The following TRAF3IP2 variants were observed in gnomAD, a reference collection of about 807,000 sequenced individuals.
The protein encoded by TRAF3IP2 is E3 ubiquitin ligase TRAF3IP2.
A neutral mutation model predicts 57.9 loss-of-function variants in TRAF3IP2; 35 were observed. The ratio of observed to expected loss-of-function variants is 0.60; its 90% confidence interval spans 0.46 to 0.80. The LOEUF is 0.80. Ranked by LOEUF, TRAF3IP2 falls within the 30% of genes least tolerant of loss-of-function variation. The pLI, the probability that TRAF3IP2 is intolerant of heterozygous loss-of-function variation, is 0.00. For synonymous variants in TRAF3IP2, 251 were observed against 268.9 expected, an observed-to-expected ratio of 0.93 and a Z score of 0.65; for missense variants, 556 against 706.4, an observed-to-expected ratio of 0.79 and a Z score of 2.41.
chr6:111,573,142 CT>C (rs1795882644), intron 4 of TRAF3IP2, among the ~76,000 whole-genome samples, 159 bp from the exon 5 acceptor site: 1 of 152,200 alleles, frequency 6.6e-6, no homozygotes, highest in Admixed American at 6.5e-5. Context: ...GTATGCTGTC[CT>C]CAGGGCACAG....
At chr6:111,586,803 C>A (rs1796350827) in intron 2 of TRAF3IP2, among the ~76,000 whole-genome samples, 1 of 152,112 alleles carries the variant, frequency 6.6e-6, no homozygotes, top group Admixed American at 6.5e-5. Context: ...CATTTGTACA[C>A]CTGCCATGAA....
intron 7 of TRAF3IP2, among the ~76,000 whole-genome samples, chr6:111,564,851 C>T (rs541591872): frequency 6.6e-6 from 1 of 152,314 alleles, no homozygotes; most frequent in South Asian, 2.1e-4. Context: ...CGAGCCCTTC[C>T]CACGCACCAG....
chr6:111,575,355 G>A (rs1394504120), intron 4 of TRAF3IP2, among the ~76,000 whole-genome samples: 3 of 151,972 alleles, frequency 2.0e-5, no homozygotes, highest in Non-Finnish European at 2.9e-5. Flanking sequence ...GTGGGAGGCC[G>A]AGGCAGGTGG....
intron 2 of TRAF3IP2, among the ~76,000 whole-genome samples, chr6:111,587,914 G>A (rs1436186446): frequency 1.3e-5 from 2 of 152,058 alleles, no homozygotes; most frequent in African/African-American, 4.8e-5. Context: ...TCTTGTTCTT[G>A]TATTTGTATA....
intron 2 of TRAF3IP2, among the ~76,000 whole-genome samples, chr6:111,583,050 C>T (rs1041064231): frequency 3.3e-5 from 5 of 152,294 alleles, no homozygotes; most frequent in South Asian, 2.1e-4. Context: ...TTGCTTTCTT[C>T]GTAGTTCCTA....
rs370020890 is a variant in TRAF3IP2 at position 111,559,932 on chromosome 6, CATTA to C, written c.1552-385_1552-382del. Among the ~76,000 whole-genome samples, 24 of 152,320 alleles carry C rather than the reference CATTA, an allele frequency of 1.6e-4. No homozygotes were observed. In the South Asian group the frequency reaches 4.4e-3, roughly 28 times the overall value. On this transcript the variant is annotated intron_variant, in intron 8 of 8. Coordinates refer to ENST00000368761, the MANE Select transcript of TRAF3IP2 (RefSeq NM_147686.4). ...CCAGGGCCGTAGGCTTAAATCAATTCATTACTCTTTCACTCCAGCCCCAGGTCTG... is the reference window on the plus strand; with the variant it reads ...CCAGGGCCGTAGGCTTAAATCAATTCCTCTTTCACTCCAGCCCCAGGTCTG...
chr6:111,567,417 C>T (rs1795688167), intron 6 of TRAF3IP2: 6 of 1,302,596 alleles, frequency 4.6e-6, no homozygotes, highest in Admixed American at 4.0e-5. Flanking sequence ...CTGGTTTGAC[C>T]GTTATTTCCT....
At chr6:111,586,496 G>A (rs374381926) in intron 2 of TRAF3IP2, among the ~76,000 whole-genome samples, 5 of 151,936 alleles carry the variant, frequency 3.3e-5, no homozygotes, top group Admixed American at 2.0e-4. Flanking sequence ...AGGAGAAAAC[G>A]TAGACTTATT....
intron 1 of TRAF3IP2, among the ~76,000 whole-genome samples, chr6:111,592,934 C>T (rs780258633): frequency 3.3e-5 from 5 of 152,140 alleles, no homozygotes; most frequent in African/African-American, 7.2e-5. Context: ...CAGCAAGGCT[C>T]GCTAAACTAG....
In TRAF3IP2 at chr6:111,591,386, C is replaced by A; in HGVS notation, c.701G>T (p.Arg234Met). Residue 234 changes from arginine (R) to methionine (M), a missense_variant, in exon 2 of 9, where the codon AGG (arginine) becomes ATG (methionine). Arg to Met is a moderately conservative substitution (Grantham distance 91). Coordinates refer to ENST00000368761, the MANE Select transcript of TRAF3IP2 (RefSeq NM_147686.4). This position sits in a 1 kb window ranked among gnomAD's most constrained non-coding sequence, Gnocchi z 4.9. ...CTGAGGTTCAAACTGAGGGAACTCC[C>A]TGGACCTGAGAGGTCTGGGGAGGTC... The part of the protein sequence containing the change: ...PQDLPRPLRS[R>M]EFPQFEPQRY... 6.5e-7 allele frequency: 1 copy of A among 1,550,268 alleles called. No individual in the cohort carries two copies.
chr6:111,570,619 C>A (rs1795797693), intron 5 of TRAF3IP2, among the ~76,000 whole-genome samples: 1 of 152,156 alleles, frequency 6.6e-6, no homozygotes, highest in African/African-American at 2.4e-5. Flanking sequence ...CTATGTGGCC[C>A]CTGGTTGTGA....
chr6:111,589,265 T>C (rs1796433033), intron 2 of TRAF3IP2, among the ~76,000 whole-genome samples: 1 of 152,104 alleles, frequency 6.6e-6, no homozygotes, highest in Admixed American at 6.6e-5. Flanking sequence ...TGTTTCACCA[T>C]GTTGGCCAGG....
At chr6:111,564,549 T>G (rs2179070) in intron 7 of TRAF3IP2, among the ~76,000 whole-genome samples, 1 of 152,192 alleles carries the variant, frequency 6.6e-6, no homozygotes, top group Non-Finnish European at 1.5e-5. Context: ...TCAGTACCTC[T>G]GCACTACCTC....
At chr6:111,586,240 T>A (rs1796331133) in intron 2 of TRAF3IP2, among the ~76,000 whole-genome samples, 1 of 152,194 alleles carries the variant, frequency 6.6e-6, no homozygotes, top group Non-Finnish European at 1.5e-5. Flanking sequence ...CTCCCCTTTT[T>A]TTTTTTTGGT....
chr6:111,582,490 C>T (rs1796198081), intron 2 of TRAF3IP2, among the ~76,000 whole-genome samples: 1 of 152,162 alleles, frequency 6.6e-6, no homozygotes, highest in Non-Finnish European at 1.5e-5. Flanking sequence ...GACAGGCCCA[C>T]AGAGACTCCT....
At chr6:111,579,928 G>A (rs1796103884) in intron 3 of TRAF3IP2, among the ~76,000 whole-genome samples, 1 of 152,148 alleles carries the variant, frequency 6.6e-6, no homozygotes, top group Admixed American at 6.6e-5. Flanking sequence ...ATAAAAGAAA[G>A]GGGTGTGACT....
chr6:111,571,506 C>G (rs558224573), intron 5 of TRAF3IP2, among the ~76,000 whole-genome samples: 104 of 152,294 alleles, frequency 6.8e-4, no homozygotes, highest in Middle Eastern at 6.8e-3. Context: ...GCCACCACGC[C>G]TGGCTGCTAT....
Position 111,558,377 on chromosome 6 carries a change from T to C in TRAF3IP2, c.*1028A>G, listed in dbSNP as rs1795315387. ...ATCCTGAGAACCATAATCATACTAT[T>C]TAGAATCATGGCTGTATGCTATATA... On this transcript the variant is annotated 3_prime_UTR_variant, in exon 9 of 9. Transcript: ENST00000368761. 1 of 152,220 alleles carries C rather than the reference T, an allele frequency of 6.6e-6. No individual in the cohort carries two copies. Among genetic ancestry groups the C allele is most frequent in the Non-Finnish European group, 1.5e-5 (1 of 68,038 alleles). 9.4% of individuals were successfully genotyped at this position (152,220 alleles called of 1,614,324 possible). A position where few individuals can be genotyped will look rare whatever the true frequency, so the allele number is the denominator to read the frequency against.
chr6:111,557,151 G>C lies in TRAF3IP2; in HGVS notation c.*2254C>G, dbSNP rs756658123. 6.6e-6 allele frequency: 1 copy of C among 151,812 alleles called. No individual in the cohort carries two copies. Among genetic ancestry groups the C allele is most frequent in the Non-Finnish European group, 1.5e-5 (1 of 68,062 alleles). 9.4% of individuals were successfully genotyped at this position (151,812 alleles called of 1,614,324 possible). A position where few individuals can be genotyped will look rare whatever the true frequency, so the allele number is the denominator to read the frequency against. The stretch of plus-strand genomic sequence containing the variant: ...AAAAAAAAGAAAAAAAAAACAAAAC[G>C]GTGGACTGTCTTGTAGCACAAGTGA... On this transcript the variant is annotated 3_prime_UTR_variant, in exon 9 of 9. Transcript: ENST00000368761.
Sources: gnomAD v4.1 joint callset for allele counts (sites outside exome capture counted in the v4.1 genomes callset) on GRCh38, gnomAD v4.1.1 for gene constraint, Gnocchi (gnomAD v3.1) non-coding constraint, MANE v1.5 for transcripts, NCBI Gene and HGNC (gene_info 2026-07-23, HGNC 2026-07-21) for gene names.